The following STK35 variants were observed in gnomAD, a reference collection of about 807,000 sequenced individuals.
The protein encoded by STK35 is serine/threonine-protein kinase 35.
Under a neutral mutation model 37.3 loss-of-function variants are expected in STK35, and 17 were observed. The observed-to-expected ratio is 0.46, with a 90% CI of 0.31 to 0.68. The LOEUF (loss-of-function observed/expected upper bound fraction) is 0.68. Among genes scored for constraint, STK35 ranks in the 30% least tolerant of loss-of-function variants. STK35 has a pLI of 0.05. For missense variants in STK35, 595 were observed against 746.7 expected (o/e 0.80, Z 2.37); for synonymous variants, 385 against 319.1 (o/e 1.21, Z -2.20).
At chr20:2,114,601 C>T (rs1308643512) in intron 2 of STK35, among the ~76,000 whole-genome samples, 1 of 152,220 alleles carries the variant, frequency 6.6e-6, no homozygotes, top group East Asian at 1.9e-4. Context: ...TCTCCTGAGT[C>T]TAGCTCCTTC....
At chr20:2,108,116 CTT>C (rs1985550682) in intron 2 of STK35, among the ~76,000 whole-genome samples, 1 of 152,220 alleles carries the variant, frequency 6.6e-6, no homozygotes, top group African/African-American at 2.4e-5. Context: ...AGTATGCTTT[CTT>C]AACTGCTGTG....
chr20:2,123,107 A>C (rs543058006), intron 3 of STK35, among the ~76,000 whole-genome samples: 2 of 152,310 alleles, frequency 1.3e-5, no homozygotes, highest in Admixed American at 6.5e-5. Flanking sequence ...GGGAATCTGC[A>C]TTCATGGCCA....
chr20:2,129,013 CAG>C (rs1985953974), intron 3 of STK35, among the ~76,000 whole-genome samples: 1 of 152,042 alleles, frequency 6.6e-6, no homozygotes, highest in African/African-American at 2.4e-5. Flanking sequence ...TTATTAGAGA[CAG>C]GGTTTCACCA....
At chr20:2,110,144 C>G (rs983561778) in intron 2 of STK35, among the ~76,000 whole-genome samples, 6 of 152,186 alleles carry the variant, frequency 3.9e-5, no homozygotes, top group African/African-American at 1.4e-4. Flanking sequence ...CAGGATGGGT[C>G]CGTGTCTTTA....
At chr20:2,106,497 A>C (rs1207120927) in intron 2 of STK35, among the ~76,000 whole-genome samples, 1 of 152,240 alleles carries the variant, frequency 6.6e-6, no homozygotes, top group Non-Finnish European at 1.5e-5. Flanking sequence ...AAGTTTGAGA[A>C]CTGGAAGAAG....
intron 2 of STK35, among the ~76,000 whole-genome samples, chr20:2,106,242 T>G (rs1195773469): frequency 6.6e-6 from 1 of 152,192 alleles, no homozygotes; most frequent in Non-Finnish European, 1.5e-5. Context: ...CCAGTAATGT[T>G]AAAGCTGGAA....
intron 3 of STK35, among the ~76,000 whole-genome samples, chr20:2,143,564 C>T (rs1986204936): frequency 6.6e-6 from 1 of 152,176 alleles, no homozygotes; most frequent in African/African-American, 2.4e-5. Context: ...AGTCAGTGTG[C>T]CCTTGGGTAA....
At chr20:2,140,246 G>A (rs1367780920) in intron 3 of STK35, among the ~76,000 whole-genome samples, 5 of 152,174 alleles carry the variant, frequency 3.3e-5, no homozygotes, top group Admixed American at 3.3e-4. Context: ...CAGAGGTAGG[G>A]GTTCCACAGA....
intron 3 of STK35, among the ~76,000 whole-genome samples, chr20:2,134,783 C>T (rs1264455180): frequency 3.3e-5 from 5 of 151,628 alleles, no homozygotes; most frequent in African/African-American, 1.2e-4. Flanking sequence ...CCCAGCTACT[C>T]GGGAGGCTGA....
At chr20:2,116,089 A>G (rs969694238) in intron 2 of STK35, among the ~76,000 whole-genome samples, 1 of 152,120 alleles carries the variant, frequency 6.6e-6, no homozygotes, top group Non-Finnish European at 1.5e-5. Context: ...TTATGTACCT[A>G]ACTTGTGCTA....
chr20:2,115,796 C>T (rs903334541), intron 2 of STK35, among the ~76,000 whole-genome samples: 3 of 152,096 alleles, frequency 2.0e-5, no homozygotes, highest in African/African-American at 7.2e-5. Flanking sequence ...ATCTTTCAGC[C>T]TAGAATTACC....
intron 3 of STK35, among the ~76,000 whole-genome samples, chr20:2,128,748 C>A (rs993594316): frequency 6.6e-6 from 1 of 152,076 alleles, no homozygotes; most frequent in African/African-American, 2.4e-5. Context: ...AGGGAGGTCA[C>A]CCCTAGAGGA....
At chr20:2,135,434 T>C (rs1986070263) in intron 3 of STK35, among the ~76,000 whole-genome samples, 1 of 152,098 alleles carries the variant, frequency 6.6e-6, no homozygotes, top group Non-Finnish European at 1.5e-5. Context: ...CATATGGGAG[T>C]CCTCCAGCAG....
rs976652066 is a variant in STK35, at chr20:2,145,021, G to A, written c.*1275G>A. ...TGTCGTGGAACTGGGTAGACCCCCTGCAGCGTTAGGGGCCCATTTGTGGGC... is the reference window on the plus strand; with the variant it reads ...TGTCGTGGAACTGGGTAGACCCCCTACAGCGTTAGGGGCCCATTTGTGGGC... On this transcript the variant is annotated 3_prime_UTR_variant, in exon 4 of 4. Coordinates refer to ENST00000381482, the MANE Select transcript of STK35 (RefSeq NM_080836.4). 6.6e-6 allele frequency: 1 copy of A among 152,346 alleles called. No homozygotes were observed. The highest frequency in any genetic ancestry group is 1.5e-5 in the Non-Finnish European group (1 of 68,126). 9.4% of individuals were successfully genotyped at this position (152,346 alleles called of 1,614,324 possible).
At chr20:2,133,981 G>T (rs1600618346) in intron 3 of STK35, among the ~76,000 whole-genome samples, 1 of 152,198 alleles carries the variant, frequency 6.6e-6, no homozygotes, top group Non-Finnish European at 1.5e-5. Context: ...CCTTACATGG[G>T]CCTGCCACTT....
At chr20:2,114,882 A>G (rs1985687343) in intron 2 of STK35, among the ~76,000 whole-genome samples, 1 of 152,076 alleles carries the variant, frequency 6.6e-6, no homozygotes, top group Admixed American at 6.5e-5. Context: ...TGGCTTTTTG[A>G]TCTTTTCCTT....
At chr20:2,124,526 G>T (rs1245944109) in intron 3 of STK35, among the ~76,000 whole-genome samples, 1 of 152,144 alleles carries the variant, frequency 6.6e-6, no homozygotes, top group Non-Finnish European at 1.5e-5. Context: ...TCATGGGGTC[G>T]AGGTGGTATC....
chr20:2,136,790 G>A (rs1415623043), intron 3 of STK35, among the ~76,000 whole-genome samples: 1 of 152,232 alleles, frequency 6.6e-6, no homozygotes, highest in Non-Finnish European at 1.5e-5. Context: ...GAAGCTCAGG[G>A]TCTAAGATGG....
intron 2 of STK35, among the ~76,000 whole-genome samples, chr20:2,104,333 G>C (rs2122537158): frequency 6.6e-6 from 1 of 152,330 alleles, no homozygotes; most frequent in South Asian, 2.1e-4. Flanking sequence ...CCGAGTCCCA[G>C]CTGTGGTCTC....
Sources: gnomAD v4.1 joint callset for allele counts (sites outside exome capture counted in the v4.1 genomes callset) on GRCh38, gnomAD v4.1.1 for gene constraint, MANE v1.5 for transcripts, NCBI Gene and HGNC (gene_info 2026-07-23, HGNC 2026-07-21) for gene names.